Variants in PANX1 observed in about 807,000 individuals in gnomAD.
The protein encoded by PANX1 is pannexin-1.
In PANX1, 30 loss-of-function variants were observed where a neutral mutation model predicts 38.7. The observed-to-expected ratio is 0.78, with a 90% CI of 0.58 to 1.05. PANX1 has a LOEUF of 1.05. PANX1 is among the 50% of genes least tolerant of loss of function. PANX1 has a pLI of 0.00. For synonymous variants in PANX1, 230 were observed against 212.2 expected (o/e 1.08, Z -0.73); for missense variants, 551 against 517.2 (o/e 1.07, Z -0.63).
intron 2 of PANX1, among the ~76,000 whole-genome samples, chr11:94,170,590 A>G (rs1427368148): frequency 6.6e-6 from 1 of 151,738 alleles, no homozygotes; most frequent in African/African-American, 2.4e-5. Context: ...TCTTTCAAAG[A>G]TGAAAAGGTT....
chr11:94,137,553 C>T (rs138738903), intron 1 of PANX1, among the ~76,000 whole-genome samples: 16 of 151,522 alleles, frequency 1.1e-4, no homozygotes, highest in African/African-American at 2.9e-4. Flanking sequence ...AGGCAGGCCC[C>T]GCTGCATGCT....
chr11:94,160,236 A>G (rs1274278626), intron 2 of PANX1, among the ~76,000 whole-genome samples: 3 of 152,186 alleles, frequency 2.0e-5, no homozygotes, highest in Admixed American at 1.3e-4. Context: ...GTAGATGTCT[A>G]TTAAGTCTGC....
chr11:94,136,074 ATT>A (rs1946685382), intron 1 of PANX1, among the ~76,000 whole-genome samples: 1 of 152,132 alleles, frequency 6.6e-6, no homozygotes, highest in African/African-American at 2.4e-5. Context: ...CTTCGTAAAT[ATT>A]TCTCTCCTCC....
chr11:94,178,586 G>A lies in PANX1; in HGVS notation c.539G>A (p.Gly180Glu), dbSNP rs761802395. 1 of 1,612,822 alleles carries A rather than the reference G, an allele frequency of 6.2e-7. No individual in the cohort carries two copies. Among genetic ancestry groups the A allele is most frequent in the South Asian group, 1.1e-5 (1 of 91,034 alleles). ...GTTCCAGGTGTTACCGAGAACTTAG[G>A]GCAAAGGTAACTTAGCCCCAGCAGG... ...CSVPGVTENLGQSLWEVSESH... is the reference protein window; with the variant it reads ...CSVPGVTENLEQSLWEVSESH... Residue 180 changes from glycine to glutamate, a missense_variant, in exon 3 of 5, where the codon GGG becomes GAG. Coordinates refer to ENST00000227638, the MANE Select transcript of PANX1 (RefSeq NM_015368.4).
intron 2 of PANX1, among the ~76,000 whole-genome samples, chr11:94,161,505 G>C (rs1446084013): frequency 6.6e-6 from 1 of 152,060 alleles, no homozygotes; most frequent in Non-Finnish European, 1.5e-5. Context: ...TCTTCCAGTT[G>C]ATCAAATCGG....
At position 94,178,456 on chromosome 11, in the gene PANX1, T is replaced by C; in HGVS notation, c.409T>C (p.Ser137Pro). Reference sequence around the variant, plus strand: ...TTTCGCAGCTGCTCCTCATATTTGCTCAGACTTGAAGTTTATCATGGAAGA... The same window carrying C: ...TTTCGCAGCTGCTCCTCATATTTGCCCAGACTTGAAGTTTATCATGGAAGA... ...WRFAAAPHIC[S>P]DLKFIMEELD... The change falls in exon 3 of 5, where the codon TCA becomes CCA. Residue 137 changes from serine (S) to proline (P), a missense_variant. Coordinates refer to ENST00000227638, the MANE Select transcript of PANX1 (RefSeq NM_015368.4). 2 of 1,614,038 alleles carry C rather than the reference T, an allele frequency of 1.2e-6. No individual in the cohort carries two copies. The highest frequency in any genetic ancestry group is 1.7e-6 in the Non-Finnish European group (2 of 1,179,962).
intron 1 of PANX1, among the ~76,000 whole-genome samples, chr11:94,140,827 A>G (rs1483390539): frequency 6.6e-6 from 1 of 152,226 alleles, no homozygotes; most frequent in Non-Finnish European, 1.5e-5. Context: ...ATTGATTTAA[A>G]GTAAACCCAT....
At chr11:94,170,481 C>A (rs376038974) in intron 2 of PANX1, among the ~76,000 whole-genome samples, 21 of 151,872 alleles carry the variant, frequency 1.4e-4, no homozygotes, top group African/African-American at 4.9e-4. Context: ...GGGTTGCTTG[C>A]CCTTATTGGC....
chr11:94,150,835 C>T lies in PANX1; in HGVS notation c.182-2656C>T, dbSNP rs537476519. ...CTTGACCCTTCCCAGGAAGCTGTCC[C>T]CTTCCTGGCCACTTGGAGGAACCAC... On this transcript the variant is annotated intron_variant, in intron 1 of 4. Transcript: ENST00000227638. 3.3e-5 allele frequency among the ~76,000 whole-genome samples: 5 copies of T among 152,256 alleles called. 1 individual carries two copies. In the South Asian group the frequency reaches 8.3e-4, roughly 25 times the overall value.
intron 2 of PANX1, among the ~76,000 whole-genome samples, chr11:94,162,500 C>T (rs961301800): frequency 2.6e-5 from 4 of 152,334 alleles, no homozygotes; most frequent in Non-Finnish European, 4.4e-5. Flanking sequence ...GCTCCGTGGG[C>T]GTAGGACCCT....
chr11:94,143,904 G>A (rs12283372), intron 1 of PANX1, among the ~76,000 whole-genome samples: 79,875 of 151,888 alleles, frequency 0.53, 21,813 homozygotes, highest in African/African-American at 0.67. Flanking sequence ...GCACGCCACC[G>A]TGCCTAGCTA....
At chr11:94,151,168 T>C (rs1946879069) in intron 1 of PANX1, among the ~76,000 whole-genome samples, 1 of 152,176 alleles carries the variant, frequency 6.6e-6, no homozygotes. Flanking sequence ...CTGCCTTTTC[T>C]TCTGACTTTC....
At chr11:94,157,665 A>C (rs1052601189) in intron 2 of PANX1, among the ~76,000 whole-genome samples, 61 of 152,016 alleles carry the variant, frequency 4.0e-4, no homozygotes, top group Non-Finnish European at 8.1e-4. Context: ...AGGTTGTGAA[A>C]ATTTTCTCCC....
rs546681212 is a variant in PANX1 at position 94,159,422 on chromosome 11, A to G, written c.321+5792A>G. 2.0e-5 allele frequency among the ~76,000 whole-genome samples: 3 copies of G among 152,200 alleles called. No individual in the cohort carries two copies. The East Asian group carries it at 5.8e-4, about 29-fold the overall frequency. On this transcript the variant is annotated intron_variant, in intron 2 of 4. Coordinates refer to ENST00000227638, the MANE Select transcript of PANX1 (RefSeq NM_015368.4). ...TGGTAAGCTATTAATTTTTGCCTCAATTTCAGAGCCTGTTATTGGTCTATT... is the reference window on the plus strand; with the variant it reads ...TGGTAAGCTATTAATTTTTGCCTCAGTTTCAGAGCCTGTTATTGGTCTATT...
chr11:94,153,100 C>T (rs998151929), intron 1 of PANX1, among the ~76,000 whole-genome samples: 2 of 152,162 alleles, frequency 1.3e-5, no homozygotes, highest in Non-Finnish European at 2.9e-5. Context: ...GTCCAATTTT[C>T]CGCATTCAGG....
intron 1 of PANX1, among the ~76,000 whole-genome samples, chr11:94,137,649 G>A (rs1946710405): frequency 6.9e-6 from 1 of 144,000 alleles, no homozygotes; most frequent in Admixed American, 7.0e-5. Flanking sequence ...TTGGTACCAG[G>A]CACACCTAGT....
chr11:94,162,871 C>CTTTTTTTTTTTTT (rs59182320), intron 2 of PANX1, among the ~76,000 whole-genome samples: 4 of 107,438 alleles, frequency 3.7e-5, no homozygotes, highest in African/African-American at 8.0e-5. Flanking sequence ...ACCAACCTCT[C>CTTTTTTTTTTTTT]TTTTTTTTTT....
At chr11:94,179,487 A>T in intron 3 of PANX1, 115 bp from the exon 4 acceptor site, 3 of 673,478 alleles carry the variant, frequency 4.5e-6, no homozygotes, top group South Asian at 3.8e-5. Context: ...CGTTGTAGGT[A>T]AAGAAGTATG....
At chr11:94,150,545 C>T (rs756390887) in intron 1 of PANX1, among the ~76,000 whole-genome samples, 3 of 152,116 alleles carry the variant, frequency 2.0e-5, no homozygotes, top group East Asian at 1.9e-4. Context: ...TCCTGGCCCC[C>T]GGCCCCCTGG....
Sources: allele counts gnomAD v4.1 joint callset (sites outside exome capture counted in the v4.1 genomes callset), GRCh38; gene constraint gnomAD v4.1.1; transcripts MANE v1.5; gene names NCBI Gene and HGNC (gene_info 2026-07-23, HGNC 2026-07-21).